RNFT2: variants seen among roughly 807,000 people sequenced by gnomAD.
RNFT2 encodes E3 ubiquitin-protein ligase RNFT2.
Under a neutral mutation model 53.0 loss-of-function variants are expected in RNFT2, and 36 were observed. The observed-to-expected ratio is 0.68, with a 90% confidence interval of 0.52 to 0.90. RNFT2 has a LOEUF of 0.90. Among genes scored for constraint, RNFT2 ranks in the 40% least tolerant of loss-of-function variants. RNFT2 has a pLI of 0.00. For synonymous variants in RNFT2, 260 were observed against 253.2 expected, an observed-to-expected ratio of 1.03 and a Z score of -0.26; for missense variants, 514 against 585.6, an observed-to-expected ratio of 0.88 and a Z score of 1.26.
intron 8 of RNFT2, 93 bp from the exon 9 acceptor site, chr12:116,835,867 G>T (rs970995749): frequency 5.1e-5 from 68 of 1,324,888 alleles, no homozygotes; most frequent in Non-Finnish European, 7.0e-5. Flanking sequence ...AGTCAAAAAT[G>T]GGTGGAGGGT....
At chr12:116,808,486 G>A (rs779143098) in intron 7 of RNFT2, among the ~76,000 whole-genome samples, 11 of 152,128 alleles carry the variant, frequency 7.2e-5, no homozygotes, top group East Asian at 1.9e-4. Flanking sequence ...ACCAAGGGAC[G>A]CAGCAGGGAC....
rs146920941 is a variant in RNFT2 at position 116,743,424 on chromosome 12, G to A, written c.83+2330G>A. Among the ~76,000 whole-genome samples the A allele has an allele frequency of 2.0e-3, 307 of 151,770 alleles. 1 individual carries two copies. The highest frequency in any genetic ancestry group is 6.7e-3 in the African/African-American group (279 of 41,402). ...TGGGACCATAGGCACGCACCACCAC[G>A]TTTGGCTAATTTTTTTGTATTTTAG... On this transcript the variant is annotated intron_variant, in intron 3 of 10. Coordinates refer to ENST00000257575, the MANE Select transcript of RNFT2 (RefSeq NM_001382266.1).
At chr12:116,773,292 G>C (rs1303064238) in intron 6 of RNFT2, among the ~76,000 whole-genome samples, 2 of 152,354 alleles carry the variant, frequency 1.3e-5, no homozygotes, top group South Asian at 4.1e-4. Context: ...CTTCCTGTGT[G>C]TGTGCCCAGG....
intron 7 of RNFT2, among the ~76,000 whole-genome samples, chr12:116,787,602 GC>G (rs975376222): frequency 3.9e-5 from 6 of 152,024 alleles, no homozygotes; most frequent in Admixed American, 2.6e-4. Flanking sequence ...TGTAGTCCCA[GC>G]CAATTGAGAG....
At chr12:116,766,635 T>C (rs1011670049) in intron 5 of RNFT2, among the ~76,000 whole-genome samples, 179 bp from the exon 6 acceptor site, 1 of 152,156 alleles carries the variant, frequency 6.6e-6, no homozygotes, top group African/African-American at 2.4e-5. Context: ...TGCCACCTTC[T>C]CCGTGACCAC....
intron 6 of RNFT2, among the ~76,000 whole-genome samples, chr12:116,772,690 A>G (rs1248544336): frequency 2.0e-5 from 3 of 152,178 alleles, no homozygotes; most frequent in Non-Finnish European, 4.4e-5. Context: ...ACCTAACAGC[A>G]ACTCTGCTAA....
chr12:116,762,107 T>G (rs10850711), intron 5 of RNFT2, among the ~76,000 whole-genome samples: 12,408 of 149,902 alleles, frequency 0.083, 957 homozygotes, highest in African/African-American at 0.2. Context: ...AGCCAGGCAC[T>G]GTGGCTCATG....
intron 7 of RNFT2, among the ~76,000 whole-genome samples, chr12:116,832,163 A>G (rs1280784924): frequency 1.4e-5 from 2 of 142,696 alleles, no homozygotes; most frequent in African/African-American, 5.2e-5. Flanking sequence ...ATATATATAT[A>G]TATATATCTT....
At chr12:116,835,816 G>A (rs530373311) in intron 8 of RNFT2, 144 bp from the exon 9 acceptor site, 4 of 761,780 alleles carry the variant, frequency 5.3e-6, no homozygotes, top group Non-Finnish European at 8.9e-6. Context: ...TGTTGGGAAG[G>A]AAGAAGTGCA....
chr12:116,799,916 G>T (rs925309239), intron 7 of RNFT2, among the ~76,000 whole-genome samples: 3 of 152,196 alleles, frequency 2.0e-5, no homozygotes, highest in Non-Finnish European at 4.4e-5. Context: ...CGCTTAGTAG[G>T]AGTTGTTTGG....
At chr12:116,816,771 G>A (rs1875703507) in intron 7 of RNFT2, among the ~76,000 whole-genome samples, 1 of 152,164 alleles carries the variant, frequency 6.6e-6, no homozygotes. Flanking sequence ...TTTTTAAAGT[G>A]GGTAAGCAAA....
intron 5 of RNFT2, among the ~76,000 whole-genome samples, chr12:116,760,288 A>G (rs1872646990): frequency 6.6e-6 from 1 of 152,176 alleles, no homozygotes. Flanking sequence ...CAGCTGCCAA[A>G]GAAGAGGGTT....
At chr12:116,790,382 A>G (rs927739011) in intron 7 of RNFT2, among the ~76,000 whole-genome samples, 1 of 152,194 alleles carries the variant, frequency 6.6e-6, no homozygotes, top group East Asian at 1.9e-4. Flanking sequence ...GTGAGTTTAT[A>G]TCCTCTTAAA....
intron 4 of RNFT2, among the ~76,000 whole-genome samples, chr12:116,752,246 T>G (rs1369776704): frequency 2.0e-5 from 3 of 151,948 alleles, no homozygotes; most frequent in Admixed American, 2.0e-4. Context: ...CTTTATTTCT[T>G]ATTTTCTTCT....
chr12:116,770,560 T>C (rs913018673), intron 6 of RNFT2, among the ~76,000 whole-genome samples: 4 of 152,114 alleles, frequency 2.6e-5, no homozygotes, highest in Non-Finnish European at 5.9e-5. Flanking sequence ...TTTTTCTTTG[T>C]TTTTTCATTT....
Position 116,841,926 on chromosome 12 carries a change from T to C in RNFT2, c.1200+5644T>C, listed in dbSNP as rs1297895498. ...ATATATAAATATATATATAAAAATA[T>C]ATATATATAAATATATATATAAATA... On this transcript the variant is annotated intron_variant, in intron 10 of 10. Coordinates refer to ENST00000257575, the MANE Select transcript of RNFT2 (RefSeq NM_001382266.1). Among the ~76,000 whole-genome samples, 167 of 36,412 alleles carry C rather than the reference T, an allele frequency of 4.6e-3. 4 individuals are homozygous for C. The highest frequency in any genetic ancestry group is 9.0e-3 in the South Asian group (10 of 1,114). The allele number at this position is 36,412 out of a possible 152,430, so 23.9% of individuals were successfully genotyped here.
At chr12:116,759,576 C>T (rs1872620220) in intron 5 of RNFT2, among the ~76,000 whole-genome samples, 1 of 152,140 alleles carries the variant, frequency 6.6e-6, no homozygotes, top group Non-Finnish European at 1.5e-5. Flanking sequence ...TACTCTTCCC[C>T]CTTTTCCTAT....
chr12:116,852,179 C>G lies in RNFT2; in HGVS notation c.*2731C>G. On this transcript the variant is annotated 3_prime_UTR_variant, in exon 11 of 11. Transcript: ENST00000257575. ...CCAAGTCTGTTCTCTTATTGTCAAC[C>G]TCAGCACAACAGGCTGGCGCCAATG... 1 of 1,183,856 alleles carries G rather than the reference C, an allele frequency of 8.4e-7. No individual in the cohort carries two copies. Among genetic ancestry groups the G allele is most frequent in the Admixed American group, 3.5e-5 (1 of 28,350 alleles). The allele number at this position is 1,183,856 out of a possible 1,614,324, so 73.3% of individuals were successfully genotyped here. A position where few individuals can be genotyped will look rare whatever the true frequency, so the allele number is the denominator to read the frequency against.
chr12:116,849,742 A>G lies in RNFT2; in HGVS notation c.*294A>G, dbSNP rs1877815888. On this transcript the variant is annotated 3_prime_UTR_variant, in exon 11 of 11. Coordinates refer to ENST00000257575, the MANE Select transcript of RNFT2 (RefSeq NM_001382266.1). ...TCCACTCCAAGTCAAGGACCTGGCAATACATGAAGTTCCCACTTGTTGGTT... is the reference window on the plus strand; with the variant it reads ...TCCACTCCAAGTCAAGGACCTGGCAGTACATGAAGTTCCCACTTGTTGGTT... The G allele has an allele frequency of 1.7e-6, 2 of 1,187,868 alleles. No homozygotes were observed. Among genetic ancestry groups the G allele is most frequent in the East Asian group, 3.6e-5 (1 of 27,578 alleles). The allele number at this position is 1,187,868 out of a possible 1,614,324, so 73.6% of individuals were successfully genotyped here.
Sources: allele counts gnomAD v4.1 joint callset (sites outside exome capture counted in the v4.1 genomes callset), GRCh38; gene constraint gnomAD v4.1.1; transcripts MANE v1.5; gene names NCBI Gene and HGNC (gene_info 2026-07-23, HGNC 2026-07-21).